ADAMTS2: variants seen among roughly 807,000 people sequenced by gnomAD.
ADAMTS2 encodes ADAM metallopeptidase with thrombospondin type 1 motif 2, also known as A disintegrin and metalloproteinase with thrombospondin motifs 2.
ADAMTS2 carries 50 observed loss-of-function variants against 123.0 expected under a neutral mutation model. The ratio of observed to expected loss-of-function variants is 0.41; its 90% CI spans 0.32 to 0.51. ADAMTS2 has a LOEUF of 0.51. Ranked by LOEUF, ADAMTS2 falls within the 20% of genes least tolerant of loss-of-function variation. ADAMTS2 has a pLI of 0.35. For missense variants in ADAMTS2, 1,494 were observed against 1,705.2 expected (o/e 0.88, Z 2.18); for synonymous variants, 678 against 695.4 (o/e 0.98, Z 0.39).
At chr5:179,305,889 G>C (rs555245816) in intron 2 of ADAMTS2, among the ~76,000 whole-genome samples, 2 of 152,242 alleles carry the variant, frequency 1.3e-5, no homozygotes, top group East Asian at 3.9e-4. Flanking sequence ...AGAAATGCAT[G>C]ATTTCCTCAA....
chr5:179,180,479 C>T lies in ADAMTS2; in HGVS notation c.975+593G>A, dbSNP rs553413485. Among the ~76,000 whole-genome samples the T allele has an allele frequency of 9.9e-5, 15 of 152,172 alleles. No individual in the cohort carries two copies. The highest frequency in any genetic ancestry group is 4.1e-4 in the South Asian group (2 of 4,832). Reference sequence around the variant, plus strand: ...CTTGCTGACTCTGGAGGGACTGCCCCGCTAAGTGGTAACCAATCTTTAGAG... The same window carrying T: ...CTTGCTGACTCTGGAGGGACTGCCCTGCTAAGTGGTAACCAATCTTTAGAG... On this transcript the variant is annotated intron_variant, in intron 5 of 21. Transcript: ENST00000251582. This position sits in a 1 kb window ranked among gnomAD's most constrained non-coding sequence, Gnocchi z 4.6.
intron 4 of ADAMTS2, among the ~76,000 whole-genome samples, chr5:179,182,095 C>A (rs945430449): frequency 1.2e-4 from 18 of 152,180 alleles, no homozygotes; most frequent in Admixed American, 2.0e-4. Flanking sequence ...GTCACTTCCC[C>A]CTGGAAGGCC....
At chr5:179,252,005 T>C (rs1765938308) in intron 3 of ADAMTS2, among the ~76,000 whole-genome samples, 1 of 149,996 alleles carries the variant, frequency 6.7e-6, no homozygotes, top group South Asian at 2.1e-4. Context: ...TTTCTTTTTC[T>C]TTTCTTTTTT....
At chr5:179,253,645 CAAA>C (rs373290836) in intron 3 of ADAMTS2, among the ~76,000 whole-genome samples, 3 of 138,604 alleles carry the variant, frequency 2.2e-5, no homozygotes, top group Admixed American at 7.2e-5. Context: ...GACTCCATCT[CAAA>C]AAAAAAAAAA....
In ADAMTS2 at chr5:179,308,825, A is replaced by G. The variant is rs1403481111; in HGVS notation, c.534+34942T>C. ...TCCTTCCCACCCCAGGGGCCCTGGG[A>G]TGCAGCTAGGCCAGCTGGGAGCCAG... On this transcript the variant is annotated intron_variant, in intron 2 of 21. Transcript: ENST00000251582. This position sits in a 1 kb window ranked among gnomAD's most constrained non-coding sequence, Gnocchi z 6.6. Among the ~76,000 whole-genome samples, 1 of 152,040 alleles carries G rather than the reference A, an allele frequency of 6.6e-6. No individual in the cohort carries two copies. The highest frequency in any genetic ancestry group is 2.4e-5 in the African/African-American group (1 of 41,420).
intron 2 of ADAMTS2, among the ~76,000 whole-genome samples, chr5:179,304,180 G>GT (rs1181421504): frequency 6.6e-6 from 1 of 152,088 alleles, no homozygotes; most frequent in Non-Finnish European, 1.5e-5. Flanking sequence ...ACTTGCAGCC[G>GT]GAACCCAATT....
At chr5:179,171,013 A>G (rs78988206) in intron 5 of ADAMTS2, among the ~76,000 whole-genome samples, 14,662 of 152,310 alleles carry the variant, frequency 0.096, 939 homozygotes, top group Non-Finnish European at 0.13. Context: ...TACAGAAACT[A>G]GAAACTTTTA....
At chr5:179,139,839 G>GAGT in intron 11 of ADAMTS2, 51 bp downstream of exon 11, 1 of 1,607,544 alleles carries the variant, frequency 6.2e-7, no homozygotes, top group Non-Finnish European at 8.5e-7. Context: ...AGGGTCTCCT[G>GAGT]GACCCTCAGC....
intron 3 of ADAMTS2, among the ~76,000 whole-genome samples, chr5:179,267,715 A>G (rs1318836874): frequency 2.6e-5 from 4 of 152,012 alleles, no homozygotes; most frequent in African/African-American, 9.7e-5. Context: ...ACGGGAGGGG[A>G]CCCCAGGCAT....
intron 3 of ADAMTS2, among the ~76,000 whole-genome samples, chr5:179,241,077 G>A (rs1364825382): frequency 6.6e-6 from 1 of 152,208 alleles, no homozygotes; most frequent in Non-Finnish European, 1.5e-5. Context: ...TTAGCTGCAT[G>A]GGTGAGGTAG....
In ADAMTS2 at chr5:179,262,235, GGCCAGCCTCAGGCCACCA is replaced by G. The variant is rs1766249210; in HGVS notation, c.688+10658_688+10675del. On this transcript the variant is annotated intron_variant, in intron 3 of 21. Transcript: ENST00000251582. This position sits in a 1 kb window ranked among gnomAD's most constrained non-coding sequence, Gnocchi z 5.9. The stretch of plus-strand genomic sequence containing the variant: ...GCCACCCCCACCAGCACACCTGCCC[GGCCAGCCTCAGGCCACCA>G]GCCAGCCTCCCAGCCACGTGACCTC... Among the ~76,000 whole-genome samples, 3 of 151,570 alleles carry G rather than the reference GGCCAGCCTCAGGCCACCA, an allele frequency of 2.0e-5. No individual in the cohort carries two copies. The highest frequency in any genetic ancestry group is 7.3e-5 in the African/African-American group (3 of 41,170).
At chr5:179,281,477 G>C (rs375961451) in intron 2 of ADAMTS2, among the ~76,000 whole-genome samples, 10 of 152,258 alleles carry the variant, frequency 6.6e-5, no homozygotes, top group Admixed American at 2.6e-4. Context: ...CCTTCACTTA[G>C]TATGTTTTCA....
At chr5:179,206,563 C>T (rs1398716153) in intron 4 of ADAMTS2, among the ~76,000 whole-genome samples, 1 of 152,204 alleles carries the variant, frequency 6.6e-6, no homozygotes, top group Non-Finnish European at 1.5e-5. Flanking sequence ...CAAATACCCC[C>T]CTGCCCCTAG....
At chr5:179,244,458 A>G (rs1049566637) in intron 3 of ADAMTS2, among the ~76,000 whole-genome samples, 3 of 152,234 alleles carry the variant, frequency 2.0e-5, no homozygotes, top group Non-Finnish European at 2.9e-5. Flanking sequence ...CCAGATAAGT[A>G]AAAACAGAGA....
intron 2 of ADAMTS2, among the ~76,000 whole-genome samples, chr5:179,338,423 G>C (rs1757680727): frequency 6.6e-6 from 1 of 152,222 alleles, no homozygotes; most frequent in Admixed American, 6.5e-5. Context: ...CCTGAGGCTG[G>C]CCGCCGCCTC....
At chr5:179,333,596 G>GTTTTTTT (rs1219136980) in intron 2 of ADAMTS2, among the ~76,000 whole-genome samples, 1 of 105,994 alleles carries the variant, frequency 9.4e-6, no homozygotes, top group Non-Finnish European at 1.8e-5. Flanking sequence ...GTTTTTTTCT[G>GTTTTTTT]TTTTTTTTTT....
intron 4 of ADAMTS2, among the ~76,000 whole-genome samples, chr5:179,191,703 C>T (rs558334913): frequency 5.3e-5 from 8 of 152,258 alleles, no homozygotes; most frequent in Non-Finnish European, 8.8e-5. Flanking sequence ...CCGCTGCCCC[C>T]GCCTTAGGGT....
intron 3 of ADAMTS2, among the ~76,000 whole-genome samples, chr5:179,265,557 C>T (rs1766346496): frequency 6.6e-6 from 1 of 152,212 alleles, no homozygotes; most frequent in Non-Finnish European, 1.5e-5. Flanking sequence ...GAAGCACCCA[C>T]AGGGCAGCGC....
At chr5:179,187,798 C>T (rs3797606) in intron 4 of ADAMTS2, among the ~76,000 whole-genome samples, 19 of 152,172 alleles carry the variant, frequency 1.2e-4, no homozygotes, top group African/African-American at 4.6e-4. Context: ...CATCTCTGTG[C>T]GGAGAGAGGC....
Sources: allele counts gnomAD v4.1 joint callset (sites outside exome capture counted in the v4.1 genomes callset), GRCh38; gene constraint gnomAD v4.1.1; non-coding constraint Gnocchi (gnomAD v3.1); transcripts MANE v1.5; gene names NCBI Gene and HGNC (gene_info 2026-07-23, HGNC 2026-07-21).